APC2: variants seen among roughly 807,000 people sequenced by gnomAD.
APC2 encodes the protein adenomatous polyposis coli protein 2.
Under a neutral mutation model 72.5 loss-of-function variants are expected in APC2, and 41 were observed. The observed-to-expected ratio is 0.57, with a 90% confidence interval of 0.44 to 0.73. The LOEUF is 0.73. Among genes scored for constraint, APC2 ranks in the 30% least tolerant of loss-of-function variants. APC2 has a pLI of 0.00. For missense variants in APC2, 3,729 were observed against 3,403.4 expected, an observed-to-expected ratio of 1.10 and a Z score of -2.38; for synonymous variants, 1,898 against 1,612.0, an observed-to-expected ratio of 1.18 and a Z score of -4.25.
intron 14 of APC2, among the ~76,000 whole-genome samples, chr19:1,463,528 T>A (rs1303340016): frequency 4.1e-5 from 6 of 147,088 alleles, no homozygotes; most frequent in African/African-American, 1.5e-4. Flanking sequence ...GGTTGCAGTG[T>A]GCCAGGATAA....
At chr19:1,460,657 T>C (rs2083908056) in intron 11 of APC2, 123 bp from the exon 12 acceptor site, 1 of 1,056,814 alleles carries the variant, frequency 9.5e-7, no homozygotes, top group South Asian at 1.6e-5. Flanking sequence ...CCGTCCCCGG[T>C]AGTGGTCAGG....
intron 8 of APC2, 71 bp from the exon 9 acceptor site, chr19:1,456,782 G>A: frequency 6.6e-7 from 1 of 1,521,576 alleles, no homozygotes; most frequent in Admixed American, 2.2e-5. Flanking sequence ...GGGGTCACAG[G>A]GCTCCGACCG....
rs752798516 is a variant in APC2 at position 1,456,060 on chromosome 19, G to A, written c.640-16G>A. ...GGGGTCAGCTCCAGCACTTGCCCTCGTGTGGTCCTGAGCAGATCCGCGCCT... is the reference window on the plus strand; with the variant it reads ...GGGGTCAGCTCCAGCACTTGCCCTCATGTGGTCCTGAGCAGATCCGCGCCT... On this transcript the variant is annotated splice_polypyrimidine_tract_variant and intron_variant, in intron 6 of 14. Coordinates refer to ENST00000590469, the MANE Select transcript of APC2 (RefSeq NM_005883.3). 1.9e-6 allele frequency: 3 copies of A among 1,550,618 alleles called. No homozygotes were observed. The highest frequency in any genetic ancestry group is 2.6e-6 in the Non-Finnish European group (3 of 1,151,132).
chr19:1,458,100 C>T (rs1296074502), intron 10 of APC2, 40 bp downstream of exon 10: 5 of 1,527,940 alleles, frequency 3.3e-6, no homozygotes, highest in Admixed American at 2.0e-5. Context: ...TCCTCCAGCC[C>T]CCGAACAGGT....
chr19:1,455,282 G>T (rs745764289), intron 5 of APC2, 25 bp downstream of exon 5: 1 of 1,565,050 alleles, frequency 6.4e-7, no homozygotes, highest in South Asian at 1.2e-5. Flanking sequence ...GAGCCAGGGG[G>T]CAGCGCGCCC....
upstream of APC2, among the ~76,000 whole-genome samples, chr19:1,447,521 T>C (rs560584428): frequency 1.6e-4 from 24 of 152,010 alleles, no homozygotes; most frequent in Admixed American, 4.6e-4. Context: ...CCCTGCGTTC[T>C]GCAGTGGGAG....
rs779509450 is a variant in APC2, at chr19:1,466,991, C to G, written c.3690C>G (p.Ser1230Arg). The G allele has an allele frequency of 1.2e-6, 2 of 1,608,752 alleles. No individual in the cohort carries two copies. The highest frequency in any genetic ancestry group is 2.7e-5 in the African/African-American group (2 of 74,870). ...GTCCCCCCGAGGCCACCCAGTTCAG[C>G]CTGCAGTGGGAGAGCTACGTGAAGC... ...PQGPPEATQFSLQWESYVKRF... is the reference protein window; with the variant it reads ...PQGPPEATQFRLQWESYVKRF... The change falls in exon 15 of 15, where the codon AGC becomes AGG. Residue 1230 changes from serine (S) to arginine (R), a missense_variant. Coordinates refer to ENST00000590469, the MANE Select transcript of APC2 (RefSeq NM_005883.3).
Position 1,457,207 on chromosome 19 carries a change from C to T in APC2, c.1171C>T (p.Arg391Ter). The T allele has an allele frequency of 6.4e-7, 1 of 1,551,368 alleles. No homozygotes were observed. Among genetic ancestry groups the T allele is most frequent in the Non-Finnish European group, 8.7e-7 (1 of 1,151,262 alleles). ...CETCWDWLQA[R>*]DGGPEGGGAG... The stretch of plus-strand genomic sequence containing the variant: ...GACCTGCTGGGACTGGCTGCAGGCC[C>T]GAGACGGCGGGCCCGAGGGAGGTGG... The change falls in exon 9 of 15, where the codon CGA becomes TGA. Residue 391 changes from arginine to a stop codon, truncating the protein, a stop_gained. Transcript: ENST00000590469. LOFTEE classifies it high-confidence loss of function.
At chr19:1,446,754 C>T (rs1054300318), upstream of APC2, among the ~76,000 whole-genome samples, 1 of 152,086 alleles carries the variant, frequency 6.6e-6, no homozygotes, top group Non-Finnish European at 1.5e-5. The surrounding 1 kb of genome is among the most constrained non-coding windows in gnomAD (Gnocchi z 6.1). Flanking sequence ...ACGCCCTGCG[C>T]TTCTTTGGGC....
chr19:1,457,895 C>CCGGGGGGGGGGTGGGGGGGGGGGGG (rs374378343), intron 9 of APC2, 70 bp from the exon 10 acceptor site: 1 of 1,067,862 alleles, frequency 9.4e-7, no homozygotes, highest in African/African-American at 2.9e-5. Flanking sequence ...GGGCGGGTTG[C>CCGGGGGGGGGGTGGGGGGGGGGGGG]GGGACCTTCG....
chr19:1,447,510 G>A (rs1223723095), upstream of APC2, among the ~76,000 whole-genome samples: 1 of 152,124 alleles, frequency 6.6e-6, no homozygotes, highest in Non-Finnish European at 1.5e-5. Context: ...CTTGGGCTAG[G>A]CCCTGCGTTC....
In APC2 at chr19:1,469,425, C is replaced by T. The variant is rs2145259807; in HGVS notation, c.6124C>T (p.Arg2042Cys). 1.7e-6 allele frequency: 2 copies of T among 1,183,954 alleles called. No individual in the cohort carries two copies. The highest frequency in any genetic ancestry group is 1.0e-6 in the Non-Finnish European group (1 of 959,354). The allele number at this position is 1,183,954 out of a possible 1,614,324, so 73.3% of individuals were successfully genotyped here. The change falls in exon 15 of 15, where the codon CGC becomes TGC. Residue 2042 changes from arginine to cysteine, a missense_variant. Coordinates refer to ENST00000590469, the MANE Select transcript of APC2 (RefSeq NM_005883.3). Reference sequence around the variant, plus strand: ...GCCCGCCGTCTTCCTCTGCTCCTCGCGCTGCGAAGAGCTCCGAGCGGCACC... The same window carrying T: ...GCCCGCCGTCTTCCTCTGCTCCTCGTGCTGCGAAGAGCTCCGAGCGGCACC... ...ALPAVFLCSS[R>C]CEELRAAPRQ...
upstream of APC2, among the ~76,000 whole-genome samples, chr19:1,449,923 C>T (rs976986916): frequency 1.3e-5 from 2 of 152,200 alleles, no homozygotes; most frequent in Non-Finnish European, 2.9e-5. Flanking sequence ...TCTTGGTCCT[C>T]GGGGCACCCC....
At position 1,468,782 on chromosome 19, in the gene APC2, G is replaced by A. The variant is rs769170082; in HGVS notation, c.5481G>A (p.Ala1827=). The change falls in exon 15 of 15, where the codon GCG becomes GCA. Residue 1827 remains alanine, a synonymous_variant. Transcript: ENST00000590469. ...CGCCCCCTTGCCTGGCACAGCCCGC[G>A]GCTCCAGCCAAAGTCCCGAGCCCCG... ...KVAPPCLAQP[A]APAKVPSPGQ... 3 of 1,512,804 alleles carry A rather than the reference G, an allele frequency of 2.0e-6. No homozygotes were observed. The highest frequency in any genetic ancestry group is 2.7e-6 in the Non-Finnish European group (3 of 1,131,854). The allele number at this position is 1,512,804 out of a possible 1,614,324, so 93.7% of individuals were successfully genotyped here.
rs1028582105 is a variant in APC2, at chr19:1,467,592, C to G, written c.4291C>G (p.Arg1431Gly). ...GPAGRQRPTGRPTSARQAMGH... is the reference protein window; with the variant it reads ...GPAGRQRPTGGPTSARQAMGH... ...AGCGGGCAGGCAAAGACCCACCGGC[C>G]GCCCCACCTCTGCCAGACAGGCCAT... is the stretch of plus-strand genomic sequence containing the variant. Residue 1431 changes from arginine to glycine, a missense_variant, in exon 15 of 15, where the codon CGC becomes GGC. Coordinates refer to ENST00000590469, the MANE Select transcript of APC2 (RefSeq NM_005883.3). The G allele has an allele frequency of 6.6e-7, 1 of 1,512,220 alleles. No individual in the cohort carries two copies. Among genetic ancestry groups the G allele is most frequent in the East Asian group, 2.6e-5 (1 of 38,410 alleles). 93.7% of individuals were successfully genotyped at this position (1,512,220 alleles called of 1,614,324 possible). A position where few individuals can be genotyped will look rare whatever the true frequency, so the allele number is the denominator to read the frequency against.
rs1568188726 is a variant in APC2, at chr19:1,471,933, CAGGACA to C, written c.*1725_*1730del. 6.6e-6 allele frequency: 1 copy of C among 152,432 alleles called. No homozygotes were observed. Among genetic ancestry groups the C allele is most frequent in the Non-Finnish European group, 1.5e-5 (1 of 68,174 alleles). 9.4% of individuals were successfully genotyped at this position (152,432 alleles called of 1,614,324 possible). A position where few individuals can be genotyped will look rare whatever the true frequency, so the allele number is the denominator to read the frequency against. On this transcript the variant is annotated 3_prime_UTR_variant, in exon 15 of 15. Coordinates refer to ENST00000590469, the MANE Select transcript of APC2 (RefSeq NM_005883.3). ...CCCCATGCTCCGGGCCCACACCCTG[CAGGACA>C]AGGAGCTCCAGACAGGACGTCCATA...
At position 1,469,799 on chromosome 19, in the gene APC2, C is replaced by G. The variant is rs1238586649; in HGVS notation, c.6498C>G (p.Ala2166=). The G allele has an allele frequency of 3.3e-6, 5 of 1,521,716 alleles. No homozygotes were observed. In the Admixed American group the frequency reaches 1.0e-4, roughly 30 times the overall value. 94.3% of individuals were successfully genotyped at this position (1,521,716 alleles called of 1,614,324 possible). A position where few individuals can be genotyped will look rare whatever the true frequency, so the allele number is the denominator to read the frequency against. Residue 2166 remains alanine, a synonymous_variant, in exon 15 of 15, where the codon GCC becomes GCG. Coordinates refer to ENST00000590469, the MANE Select transcript of APC2 (RefSeq NM_005883.3). ...HILRSTLPAT[A]LPLRGSTPED... ...TGCGCAGCACGCTTCCCGCCACGGC[C>G]CTGCCACTGCGGGGCTCCACGCCCG...
At chr19:1,450,537 G>C (rs1047173448) in intron 1 of APC2, among the ~76,000 whole-genome samples, 199 bp downstream of exon 1, 1 of 152,204 alleles carries the variant, frequency 6.6e-6, no homozygotes, top group Non-Finnish European at 1.5e-5. Flanking sequence ...ACCCACTCAC[G>C]GGCTTCACCA....
chr19:1,458,833 G>GC (rs1251992286), intron 10 of APC2, among the ~76,000 whole-genome samples: 3 of 151,788 alleles, frequency 2.0e-5, no homozygotes, highest in African/African-American at 7.3e-5. Context: ...ACAGGTGCCC[G>GC]CCCCCACACC....
Sources: allele counts gnomAD v4.1 joint callset (sites outside exome capture counted in the v4.1 genomes callset), GRCh38; gene constraint gnomAD v4.1.1; non-coding constraint Gnocchi (gnomAD v3.1); transcripts MANE v1.5; gene names NCBI Gene and HGNC (gene_info 2026-07-23, HGNC 2026-07-21).